Variants in NRDE2 observed in about 807,000 individuals in gnomAD.
NRDE2 encodes the protein nuclear exosome regulator NRDE2.
In NRDE2, 76 loss-of-function variants were observed where a neutral mutation model predicts 124.2. The ratio of observed to expected loss-of-function variants is 0.61; its 90% CI spans 0.51 to 0.74. The LOEUF (loss-of-function observed/expected upper bound fraction) is 0.74, where lower values mean the gene tolerates loss of function less well. Ranked by LOEUF, NRDE2 falls within the 30% of genes least tolerant of loss-of-function variation. The pLI is 0.00. For synonymous variants in NRDE2, 489 were observed against 528.1 expected, an observed-to-expected ratio of 0.93 and a Z score of 1.01; for missense variants, 1,314 against 1,417.3, an observed-to-expected ratio of 0.93 and a Z score of 1.17.
Position 90,312,434 on chromosome 14 carries a change from T to G in NRDE2, c.517A>C (p.Asn173His). 1 of 1,614,102 alleles carries G rather than the reference T, an allele frequency of 6.2e-7. No homozygotes were observed. ...FRTDKKPDPA[N>H]WEYKSLYRGD... is the part of the protein sequence containing the mutation. ...CGGTAGAGAGACTTGTACTCCCAGT[T>G]CGCAGGATCTGGTTTCTTATCTGTT... Residue 173 changes from asparagine to histidine, a missense_variant, in exon 4 of 14, where the codon AAC (asparagine) becomes CAC (histidine). Asn to His is a moderately conservative substitution (Grantham distance 68). Transcript: ENST00000354366.
chr14:90,311,182 C>T (rs1473097499), intron 4 of NRDE2, among the ~76,000 whole-genome samples: 3 of 152,168 alleles, frequency 2.0e-5, no homozygotes, highest in Admixed American at 6.5e-5. Flanking sequence ...CTCCTCTTGG[C>T]TTTATATTCT....
At chr14:90,299,319 A>G (rs1683229610) in intron 7 of NRDE2, among the ~76,000 whole-genome samples, 1 of 152,068 alleles carries the variant, frequency 6.6e-6, no homozygotes, top group African/African-American at 2.4e-5. Context: ...AAGTGCTGGG[A>G]TTACAAGCCT....
intron 3 of NRDE2, among the ~76,000 whole-genome samples, chr14:90,315,680 C>T (rs55795050): frequency 0.3 from 46,215 of 151,674 alleles, 7,058 homozygotes; most frequent in South Asian, 0.35. Context: ...GCAGAGTAGG[C>T]CACAGTGGCT....
chr14:90,322,923 G>T (rs1241833274), intron 1 of NRDE2, among the ~76,000 whole-genome samples: 2 of 152,214 alleles, frequency 1.3e-5, no homozygotes, highest in Admixed American at 6.5e-5. Flanking sequence ...TACTAAGCAA[G>T]ATGTAACATT....
chr14:90,310,090 T>C (rs1884771195), intron 4 of NRDE2, among the ~76,000 whole-genome samples: 2 of 152,208 alleles, frequency 1.3e-5, no homozygotes, highest in Admixed American at 1.3e-4. Context: ...GCGCAAGGCA[T>C]GGCAGAAGTT....
Position 90,298,280 on chromosome 14 carries a change from C to A in NRDE2, c.1646G>T (p.Gly549Val). ...KAWMHQQERG[G>V]WVVINPDEDD... The stretch of plus-strand genomic sequence containing the variant: ...CTTACCTGGGTTGATGACCACCCAG[C>A]CACCTCGTTCCTGCTGGTGCATCCA... Residue 549 changes from glycine to valine, a missense_variant, in exon 8 of 14, where the codon GGC becomes GTC. Coordinates refer to ENST00000354366, the MANE Select transcript of NRDE2 (RefSeq NM_017970.4). The A allele has an allele frequency of 6.2e-7, 1 of 1,613,636 alleles. No individual in the cohort carries two copies. Among genetic ancestry groups the A allele is most frequent in the Non-Finnish European group, 8.5e-7 (1 of 1,179,936 alleles).
chr14:90,270,062 TA>T lies in NRDE2; in HGVS notation c.*8273del. The T allele has an allele frequency of 1.1e-6, 1 of 899,736 alleles. No homozygotes were observed. The allele number at this position is 899,736 out of a possible 1,614,324, so 55.7% of individuals were successfully genotyped here. On this transcript the variant is annotated 3_prime_UTR_variant, in exon 14 of 14. Coordinates refer to ENST00000354366, the MANE Select transcript of NRDE2 (RefSeq NM_017970.4). The stretch of plus-strand genomic sequence containing the variant: ...ACTACAAAAATATATGTTTACTTTT[TA>T]AAATTTAGACATCCTTCCCACAGAA...
chr14:90,304,143 G>T lies in NRDE2; in HGVS notation c.797C>A (p.Thr266Lys). ...VKDLEDAAPV[T>K]TWLNPLGIYD... ...AATCCCCAGAGGATTCAACCAGGTT[G>T]TAACAGGAGCCGCATCTTCCAAGTC... The change falls in exon 5 of 14, where the codon ACA (threonine) becomes AAA (lysine). Residue 266 changes from threonine to lysine, a missense_variant. Thr to Lys is a moderately conservative substitution (Grantham distance 78). Coordinates refer to ENST00000354366, the MANE Select transcript of NRDE2 (RefSeq NM_017970.4). 1 of 1,614,200 alleles carries T rather than the reference G, an allele frequency of 6.2e-7. No individual in the cohort carries two copies. Among genetic ancestry groups the T allele is most frequent in the Non-Finnish European group, 8.5e-7 (1 of 1,180,038 alleles).
Position 90,318,057 on chromosome 14 carries a change from G to A in NRDE2, c.121C>T (p.Gln41Ter). 1 of 1,614,180 alleles carries A rather than the reference G, an allele frequency of 6.2e-7. No individual in the cohort carries two copies. The highest frequency in any genetic ancestry group is 1.1e-5 in the South Asian group (1 of 91,078). The change falls in exon 2 of 14, where the codon CAA (glutamine) becomes TAA (stop). Residue 41 changes from glutamine (Q) to a stop codon, truncating the protein, a stop_gained. Coordinates refer to ENST00000354366, the MANE Select transcript of NRDE2 (RefSeq NM_017970.4). LOFTEE classifies it high-confidence loss of function. ...TGGGCTGGAGCTGCTTCAGTTTGTT[G>A]GCTCAGGGACGTTATGGATCCAACA... is the stretch of plus-strand genomic sequence containing the variant. ...FCVGSITSLS[Q>*]QTEAAPAHVS...
chr14:90,311,016 T>C (rs1384120732), intron 4 of NRDE2, among the ~76,000 whole-genome samples: 1 of 152,164 alleles, frequency 6.6e-6, no homozygotes, highest in Admixed American at 6.5e-5. Context: ...TATTAACTCA[T>C]TGGGAAGGAA....
intron 12 of NRDE2, 59 bp downstream of exon 12, chr14:90,286,295 A>AT: frequency 1.3e-6 from 2 of 1,551,382 alleles, no homozygotes; most frequent in Non-Finnish European, 1.7e-6. Context: ...ATACCTTCTC[A>AT]TTTATGAAGG....
intron 6 of NRDE2, among the ~76,000 whole-genome samples, chr14:90,302,034 G>A (rs1273523163): frequency 6.6e-6 from 1 of 152,196 alleles, no homozygotes; most frequent in African/African-American, 2.4e-5. Context: ...ATAAATGCCT[G>A]CTCTGTGCCG....
intron 4 of NRDE2, among the ~76,000 whole-genome samples, chr14:90,311,383 C>T (rs565325738): frequency 3.3e-5 from 5 of 152,098 alleles, no homozygotes; most frequent in Non-Finnish European, 7.4e-5. Context: ...ATAATCCCCA[C>T]GTGTTGTGGG....
chr14:90,300,749 AAAC>A (rs1884362808), intron 7 of NRDE2, among the ~76,000 whole-genome samples: 1 of 145,742 alleles, frequency 6.9e-6, no homozygotes, highest in African/African-American at 2.6e-5. Flanking sequence ...TGCAAGACCC[AAAC>A]TAGAATGTGT....
intron 8 of NRDE2, among the ~76,000 whole-genome samples, chr14:90,293,164 A>C (rs928596267): frequency 2.0e-5 from 3 of 152,228 alleles, no homozygotes; most frequent in Non-Finnish European, 4.4e-5. Context: ...CGCTGTGATG[A>C]TGAAAATGCC....
chr14:90,299,960 T>A (rs1001844305), intron 7 of NRDE2, among the ~76,000 whole-genome samples: 1 of 152,188 alleles, frequency 6.6e-6, no homozygotes, highest in Non-Finnish European at 1.5e-5. Context: ...ATATGGAATA[T>A]TAGTAAATAA....
intron 1 of NRDE2, among the ~76,000 whole-genome samples, chr14:90,330,010 C>T (rs149235813): frequency 0.012 from 1,825 of 151,472 alleles, 21 homozygotes; most frequent in Non-Finnish European, 0.02. Context: ...AGTTCGAGAC[C>T]AGCCTGGCCA....
At chr14:90,331,610 C>A (rs985304619) in intron 1 of NRDE2, among the ~76,000 whole-genome samples, 6 of 152,338 alleles carry the variant, frequency 3.9e-5, no homozygotes, top group Admixed American at 6.5e-5. Context: ...AGCTCCAGGG[C>A]ATCTGCTGGT....
rs182540258 is a variant in NRDE2, at chr14:90,269,702, G to A, written c.*8634C>T. Reference sequence around the variant, plus strand: ...AAAAAAATAGGTCCTCTTGAGATGAGGGTTAAAACAGAGCATGATATGGTC... The same window carrying A: ...AAAAAAATAGGTCCTCTTGAGATGAAGGTTAAAACAGAGCATGATATGGTC... On this transcript the variant is annotated 3_prime_UTR_variant, in exon 14 of 14. Transcript: ENST00000354366. 6 of 745,656 alleles carry A rather than the reference G, an allele frequency of 8.0e-6. No homozygotes were observed. The African/African-American group carries it at 9.2e-5, about 11-fold the overall frequency. The allele number at this position is 745,656 out of a possible 1,614,324, so 46.2% of individuals were successfully genotyped here.
Sources: allele counts gnomAD v4.1 joint callset (sites outside exome capture counted in the v4.1 genomes callset), GRCh38; gene constraint gnomAD v4.1.1; transcripts MANE v1.5; gene names NCBI Gene and HGNC (gene_info 2026-07-23, HGNC 2026-07-21).